CADPS: variants seen among roughly 807,000 people sequenced by gnomAD.
CADPS encodes calcium dependent secretion activator.
A neutral mutation model predicts 167.3 loss-of-function variants in CADPS; 57 were observed. That is an observed-to-expected ratio of 0.34 (90% CI 0.28 to 0.42). The LOEUF (loss-of-function observed/expected upper bound fraction) is 0.42, where lower values mean the gene tolerates loss of function less well. CADPS is among the 20% of genes least tolerant of loss of function. CADPS has a pLI of 1.00. For missense variants in CADPS, 1,414 were observed against 1,738.1 expected (o/e 0.81, Z 3.32); for synonymous variants, 676 against 635.3 (o/e 1.06, Z -0.96).
chr3:62,747,391 A>T (rs1206687711), intron 3 of CADPS, among the ~76,000 whole-genome samples: 1 of 152,216 alleles, frequency 6.6e-6, no homozygotes, highest in Non-Finnish European at 1.5e-5. Flanking sequence ...CTATGTAGTT[A>T]TATGGAGATT....
At chr3:62,717,385 G>T (rs1420070521) in intron 3 of CADPS, among the ~76,000 whole-genome samples, 2 of 152,132 alleles carry the variant, frequency 1.3e-5, no homozygotes, top group African/African-American at 4.8e-5. Context: ...CCTGAGCTCC[G>T]TGTATATTTA....
chr3:62,451,049 T>G (rs920462438), intron 26 of CADPS, among the ~76,000 whole-genome samples: 9 of 152,140 alleles, frequency 5.9e-5, no homozygotes, highest in Non-Finnish European at 1.0e-4. Flanking sequence ...AATTTTTTCT[T>G]GTAACCTTAA....
At chr3:62,832,221 G>T (rs2075215621) in intron 1 of CADPS, among the ~76,000 whole-genome samples, 2 of 152,158 alleles carry the variant, frequency 1.3e-5, no homozygotes, top group African/African-American at 4.8e-5. Context: ...ACTGGGGCTT[G>T]GTACTACTAG....
chr3:62,767,227 C>G (rs2087121214), intron 1 of CADPS, among the ~76,000 whole-genome samples: 2 of 152,140 alleles, frequency 1.3e-5, no homozygotes, highest in Admixed American at 6.5e-5. Flanking sequence ...AACCACTGTT[C>G]TAGTGGAAAA....
chr3:62,703,525 G>T (rs1041163708), intron 3 of CADPS, among the ~76,000 whole-genome samples: 2 of 152,118 alleles, frequency 1.3e-5, no homozygotes, highest in Admixed American at 1.3e-4. Flanking sequence ...GGCCTGTCCT[G>T]CCAGGAAGCT....
intron 26 of CADPS, among the ~76,000 whole-genome samples, chr3:62,451,695 C>A (rs1397884327): frequency 6.6e-6 from 1 of 152,140 alleles, no homozygotes; most frequent in Non-Finnish European, 1.5e-5. Flanking sequence ...CACAAGAGCT[C>A]TGAGTTAATT....
intron 6 of CADPS, among the ~76,000 whole-genome samples, chr3:62,592,961 G>C (rs2086388001): frequency 6.6e-6 from 1 of 152,184 alleles, no homozygotes; most frequent in African/African-American, 2.4e-5. Flanking sequence ...AGTTGCCATG[G>C]TCTTCACAGA....
chr3:62,713,594 G>A (rs557778860), intron 3 of CADPS, among the ~76,000 whole-genome samples: 53 of 152,362 alleles, frequency 3.5e-4, no homozygotes, highest in Non-Finnish European at 6.2e-4. Context: ...CATACTGCCT[G>A]TGCGTTAGCC....
chr3:62,637,128 C>A (rs2066457779), intron 6 of CADPS, among the ~76,000 whole-genome samples: 2 of 152,184 alleles, frequency 1.3e-5, no homozygotes, highest in African/African-American at 4.8e-5. Flanking sequence ...GGTCACTGAA[C>A]TCAGCCCTTA....
At chr3:62,571,048 C>A in intron 8 of CADPS, 110 bp from the exon 9 acceptor site, 2 of 769,748 alleles carry the variant, frequency 2.6e-6, no homozygotes, top group South Asian at 1.5e-5. Flanking sequence ...GCACATGGCT[C>A]AGGAACGGGG....
At chr3:62,745,728 T>C (rs2081311958) in intron 3 of CADPS, among the ~76,000 whole-genome samples, 1 of 152,172 alleles carries the variant, frequency 6.6e-6, no homozygotes, top group African/African-American at 2.4e-5. Flanking sequence ...ACATGCACCT[T>C]GTGTAATGTG....
In CADPS at chr3:62,850,239, C is replaced by A. The variant is rs374699437; in HGVS notation, c.441+24350G>T. Among the ~76,000 whole-genome samples, 10 of 134,644 alleles carry A rather than the reference C, an allele frequency of 7.4e-5. No individual in the cohort carries two copies. The South Asian group carries it at 1.6e-3, about 22-fold the overall frequency. The allele number at this position is 134,644 out of a possible 152,430, so 88.3% of individuals were successfully genotyped here. A position where few individuals can be genotyped will look rare whatever the true frequency, so the allele number is the denominator to read the frequency against. ...CAAAAAACCAGCTCCTGGATTCATT[C>A]ATTTTTTGAAGGGTTTTTTGTGTCT... On this transcript the variant is annotated intron_variant, in intron 1 of 29. Transcript: ENST00000383710.
intron 3 of CADPS, among the ~76,000 whole-genome samples, chr3:62,745,502 G>T (rs2081266224): frequency 6.6e-6 from 1 of 152,178 alleles, no homozygotes; most frequent in Non-Finnish European, 1.5e-5. Context: ...GTATGACTTT[G>T]AAAAGACATG....
intron 9 of CADPS, among the ~76,000 whole-genome samples, chr3:62,562,186 A>G (rs1203599707): frequency 6.6e-6 from 1 of 152,210 alleles, no homozygotes; most frequent in East Asian, 1.9e-4. Flanking sequence ...CCAAAATCTG[A>G]GCATGGAGAA....
rs2060669593 is a variant in CADPS at position 62,471,911 on chromosome 3, A to G, written c.3477+2262T>C. Among the ~76,000 whole-genome samples, 2 of 152,216 alleles carry G rather than the reference A, an allele frequency of 1.3e-5. 1 individual carries two copies. Among genetic ancestry groups the G allele is most frequent in the South Asian group, 4.1e-4 (2 of 4,828 alleles). On this transcript the variant is annotated intron_variant, in intron 24 of 29. Transcript: ENST00000383710. Reference sequence around the variant, plus strand: ...TAATGGTCAAGTATCCAGAACATATAAAGAACTCTTACAACTCAATAATAA... The same window carrying G: ...TAATGGTCAAGTATCCAGAACATATGAAGAACTCTTACAACTCAATAATAA...
At chr3:62,792,295 T>A (rs2093016904) in intron 1 of CADPS, among the ~76,000 whole-genome samples, 1 of 151,740 alleles carries the variant, frequency 6.6e-6, no homozygotes. Context: ...CCTTGACCTC[T>A]CAGGCTCAAG....
At chr3:62,501,498 C>T (rs1011071915) in intron 17 of CADPS, among the ~76,000 whole-genome samples, 1 of 152,092 alleles carries the variant, frequency 6.6e-6, no homozygotes, top group East Asian at 1.9e-4. Flanking sequence ...GCTTATTACC[C>T]ATTCGACACA....
At chr3:62,632,013 G>T (rs1349250082) in intron 6 of CADPS, among the ~76,000 whole-genome samples, 1 of 152,194 alleles carries the variant, frequency 6.6e-6, no homozygotes, top group Admixed American at 6.5e-5. Flanking sequence ...ATAATGAAAA[G>T]TCCTGGGTAA....
chr3:62,875,227 G>T lies in CADPS; in HGVS notation c.-198C>A. 1 of 562,648 alleles carries T rather than the reference G, an allele frequency of 1.8e-6. No homozygotes were observed. The highest frequency in any genetic ancestry group is 2.6e-6 in the Non-Finnish European group (1 of 382,994). 34.9% of individuals were successfully genotyped at this position (562,648 alleles called of 1,614,324 possible). A position where few individuals can be genotyped will look rare whatever the true frequency, so the allele number is the denominator to read the frequency against. On this transcript the variant is annotated 5_prime_UTR_variant, in exon 1 of 30. Transcript: ENST00000383710. ...TCGCGAGCTGGGCTCAGACCCAGAAGCGCGAAGGGAGGAGGGGAAGGGAGA... is the reference window on the plus strand; with the variant it reads ...TCGCGAGCTGGGCTCAGACCCAGAATCGCGAAGGGAGGAGGGGAAGGGAGA...
Sources: gnomAD v4.1 joint callset for allele counts (sites outside exome capture counted in the v4.1 genomes callset) on GRCh38, gnomAD v4.1.1 for gene constraint, MANE v1.5 for transcripts, NCBI Gene and HGNC (gene_info 2026-07-23, HGNC 2026-07-21) for gene names.